Variants in KCNT1 observed in about 807,000 individuals in gnomAD.
The protein encoded by KCNT1 is potassium sodium-activated channel subfamily T member 1.
KCNT1 carries 78 observed loss-of-function variants against 147.8 expected under a neutral mutation model. The ratio of observed to expected loss-of-function variants is 0.53; its 90% confidence interval spans 0.44 to 0.64. The LOEUF (loss-of-function observed/expected upper bound fraction) is 0.64. Ranked by LOEUF, KCNT1 falls within the 30% of genes least tolerant of loss-of-function variation. The pLI is 0.00. For missense variants in KCNT1, 1,419 were observed against 1,750.3 expected (o/e 0.81, Z 3.38); for synonymous variants, 867 against 748.8 (o/e 1.16, Z -2.58).
chr9:135,776,918 C>T (rs1194630951), intron 20 of KCNT1, among the ~76,000 whole-genome samples: 2 of 152,258 alleles, frequency 1.3e-5, no homozygotes, highest in African/African-American at 4.8e-5. Context: ...GAATGAACCA[C>T]TTCTCCAAGG....
chr9:135,768,785 CAG>C, intron 14 of KCNT1, 42 bp from the exon 15 acceptor site: 1 of 1,573,520 alleles, frequency 6.4e-7, no homozygotes, highest in South Asian at 1.1e-5. Context: ...CAGCAGCCCA[CAG>C]AGGCCAGCCC....
At chr9:135,765,358 C>T (rs1359869456) in intron 12 of KCNT1, among the ~76,000 whole-genome samples, 163 bp downstream of exon 12, 1 of 56,178 alleles carries the variant, frequency 1.8e-5, no homozygotes, top group Non-Finnish European at 3.8e-5. Context: ...ACGCCATCCT[C>T]TCCCCAGGAC....
intron 2 of KCNT1, among the ~76,000 whole-genome samples, chr9:135,732,024 A>AGAGGGAGAGAGAGAGAGAGG (rs1208253390): frequency 3.1e-5 from 2 of 65,084 alleles, no homozygotes; most frequent in Non-Finnish European, 6.4e-5. Context: ...AGAGAGAGAG[A>AGAGGGAGAGAGAGAGAGAGG]GAGAGAGAGA....
At chr9:135,707,292 TCTC>T (rs1249157856) in intron 1 of KCNT1, among the ~76,000 whole-genome samples, 2 of 151,596 alleles carry the variant, frequency 1.3e-5, no homozygotes, top group Middle Eastern at 3.2e-3. Flanking sequence ...AGGGGCGGCT[TCTC>T]CTCCAGGTGC....
At chr9:135,756,724 T>A in intron 6 of KCNT1, 149 bp from the exon 7 acceptor site, 1 of 727,654 alleles carries the variant, frequency 1.4e-6, no homozygotes. Flanking sequence ...CCTTGGTGGC[T>A]AAGACTGTCC....
At chr9:135,753,145 ATGAG>A (rs1488629578) in intron 4 of KCNT1, among the ~76,000 whole-genome samples, 3 of 152,034 alleles carry the variant, frequency 2.0e-5, no homozygotes, top group Admixed American at 6.5e-5. Flanking sequence ...GGATGGATGG[ATGAG>A]TGAGTGGAAA....
chr9:135,735,741 G>A (rs1830311385), intron 2 of KCNT1, among the ~76,000 whole-genome samples: 1 of 152,300 alleles, frequency 6.6e-6, no homozygotes, highest in East Asian at 1.9e-4. Flanking sequence ...AAGGACTCCA[G>A]GTCTGGGGTC....
At chr9:135,778,193 C>T (rs1033258032) in intron 21 of KCNT1, among the ~76,000 whole-genome samples, 11 of 152,230 alleles carry the variant, frequency 7.2e-5, no homozygotes, top group Non-Finnish European at 8.8e-5. Context: ...AGCCCAGGGT[C>T]ATCTTGGCTG....
At chr9:135,729,794 G>T (rs1384716816) in intron 2 of KCNT1, among the ~76,000 whole-genome samples, 2 of 152,206 alleles carry the variant, frequency 1.3e-5, no homozygotes, top group South Asian at 4.1e-4. Flanking sequence ...AATGTTGCAC[G>T]TGCCCTTGGT....
intron 2 of KCNT1, among the ~76,000 whole-genome samples, chr9:135,722,665 G>A (rs142621662): frequency 2.0e-5 from 3 of 152,344 alleles, no homozygotes; most frequent in East Asian, 3.9e-4. Flanking sequence ...GGATCAAGGC[G>A]CCGGCGGACC....
chr9:135,772,078 C>T (rs1230811208), intron 18 of KCNT1, among the ~76,000 whole-genome samples: 1 of 152,222 alleles, frequency 6.6e-6, no homozygotes, highest in Non-Finnish European at 1.5e-5. Context: ...CCGCCGTCTA[C>T]GGCAGCTCAC....
chr9:135,791,910 A>C (rs1208024540), intron 30 of KCNT1, 29 bp downstream of exon 30: 5 of 1,610,210 alleles, frequency 3.1e-6, no homozygotes, highest in African/African-American at 2.7e-5. Flanking sequence ...CTGTGTGGAG[A>C]CCCCCCCTGA....
At chr9:135,737,838 C>T (rs540309624) in intron 2 of KCNT1, among the ~76,000 whole-genome samples, 1 of 152,316 alleles carries the variant, frequency 6.6e-6, no homozygotes, top group East Asian at 1.9e-4. Context: ...GGGCACTGCC[C>T]AGCTTAGTCC....
chr9:135,768,510 C>G (rs1832492099), intron 13 of KCNT1, 100 bp from the exon 14 acceptor site: 1 of 818,236 alleles, frequency 1.2e-6, no homozygotes, highest in South Asian at 1.7e-5. Flanking sequence ...GCTGCACCAG[C>G]CTCCTCCCAG....
chr9:135,756,842 T>C (rs1187858216), intron 6 of KCNT1, 31 bp from the exon 7 acceptor site: 2 of 1,603,510 alleles, frequency 1.2e-6, no homozygotes, highest in Non-Finnish European at 1.7e-6. Flanking sequence ...CCCGGCCTGC[T>C]CCAGAGCTCC....
rs890504789 is a variant in KCNT1, at chr9:135,779,027, A to G, written c.2729+205A>G. The stretch of plus-strand genomic sequence containing the variant: ...CCCACAGCTATGACCACAAGCCCCC[A>G]CCCTGAAACCCCCACAACCACAGCC... On this transcript the variant is annotated intron_variant, in intron 23 of 30. Transcript: ENST00000371757. 2.9e-4 allele frequency among the ~76,000 whole-genome samples: 14 copies of G among 49,098 alleles called. 1 individual carries two copies. In the South Asian group the frequency reaches 5.3e-3, roughly 19 times the overall value. 32.2% of individuals were successfully genotyped at this position (49,098 alleles called of 152,430 possible).
intron 2 of KCNT1, among the ~76,000 whole-genome samples, chr9:135,723,470 A>G (rs1387115656): frequency 3.3e-5 from 5 of 152,142 alleles, no homozygotes; most frequent in African/African-American, 9.7e-5. Context: ...CAGGGAGGAG[A>G]GGCTGCTGCT....
intron 2 of KCNT1, among the ~76,000 whole-genome samples, chr9:135,729,884 A>C (rs758622966): frequency 7.6e-4 from 116 of 152,216 alleles, no homozygotes; most frequent in Non-Finnish European, 1.4e-3. Context: ...CAACCCCACC[A>C]CTGGGCAGGT....
At chr9:135,709,766 C>T (rs1426570943) in intron 1 of KCNT1, among the ~76,000 whole-genome samples, 1 of 152,180 alleles carries the variant, frequency 6.6e-6, no homozygotes, top group African/African-American at 2.4e-5. Context: ...CTGCAACCTC[C>T]GCCTCCTGGG....
Sources: gnomAD v4.1 joint callset for allele counts (sites outside exome capture counted in the v4.1 genomes callset) on GRCh38, gnomAD v4.1.1 for gene constraint, MANE v1.5 for transcripts, NCBI Gene and HGNC (gene_info 2026-07-23, HGNC 2026-07-21) for gene names.